TRIQK: variants seen among roughly 807,000 people sequenced by gnomAD.
TRIQK encodes the protein triple QxxK/R motif-containing protein.
Under a neutral mutation model 10.8 loss-of-function variants are expected in TRIQK, and 10 were observed. The observed-to-expected ratio is 0.92, with a 90% CI of 0.57 to 1.57. TRIQK has a LOEUF of 1.57. Among genes scored for constraint, TRIQK ranks in the 40% most tolerant of loss-of-function variants. The pLI, the probability that TRIQK is intolerant of heterozygous loss-of-function variation, is 0.00. For missense variants in TRIQK, 107 were observed against 97.7 expected (o/e 1.09, Z -0.40); for synonymous variants, 33 against 33.7 (o/e 0.98, Z 0.07).
At position 92,980,365 on chromosome 8, in the gene TRIQK, G is replaced by A. The variant is rs887338540; in HGVS notation, c.-180-25801C>T. 2.6e-5 allele frequency among the ~76,000 whole-genome samples: 4 copies of A among 151,502 alleles called. 1 individual carries two copies. The highest frequency in any genetic ancestry group is 9.7e-5 in the African/African-American group (4 of 41,350). ...CATTTATTTTATAATTGGCATATGG[G>A]GGTGTGTGTGTGTGTGTGTCTGCAC... is the stretch of plus-strand genomic sequence containing the variant. On this transcript the variant is annotated intron_variant, in intron 1 of 4. Transcript: ENST00000520686.
At chr8:92,979,524 G>A (rs538862121) in intron 1 of TRIQK, among the ~76,000 whole-genome samples, 140 of 152,004 alleles carry the variant, frequency 9.2e-4, no homozygotes, top group African/African-American at 3.2e-3. Flanking sequence ...AAATCTTAGT[G>A]GTATATGGAT....
chr8:92,944,343 A>G lies in TRIQK; in HGVS notation c.-22+10063T>C, dbSNP rs77190811. Among the ~76,000 whole-genome samples the G allele has an allele frequency of 2.0e-4, 31 of 152,022 alleles. No individual in the cohort carries two copies. In the East Asian group the frequency reaches 5.4e-3, roughly 27 times the overall value. On this transcript the variant is annotated intron_variant, in intron 2 of 4. Coordinates refer to ENST00000521988, the MANE Select transcript of TRIQK (RefSeq NM_001171797.2). ...AAATAGAACTACTATATGACCCAGC[A>G]ATCCTACTGTTGGATATATATTCAA...
chr8:92,968,652 G>GT (rs528642826), upstream of TRIQK, among the ~76,000 whole-genome samples: 348 of 152,146 alleles, frequency 2.3e-3, 5 homozygotes, highest in Non-Finnish European at 3.6e-3. Context: ...GCGGTTGTTT[G>GT]TTTTTTTCTT....
At chr8:92,924,868 T>G (rs1455352583) in intron 2 of TRIQK, among the ~76,000 whole-genome samples, 1 of 152,028 alleles carries the variant, frequency 6.6e-6, no homozygotes, top group African/African-American at 2.4e-5. Flanking sequence ...ACTGGAGAGC[T>G]AAACAGTTGT....
At chr8:92,893,454 T>G (rs1367966690) in intron 3 of TRIQK, among the ~76,000 whole-genome samples, 1 of 152,012 alleles carries the variant, frequency 6.6e-6, no homozygotes, top group Admixed American at 6.6e-5. Context: ...ATAAATATTA[T>G]TTGATGATGG....
At chr8:92,962,758 G>C (rs1156886588) in intron 1 of TRIQK, among the ~76,000 whole-genome samples, 1 of 152,094 alleles carries the variant, frequency 6.6e-6, no homozygotes, top group Admixed American at 6.5e-5. Flanking sequence ...ACTAAGCACT[G>C]GAGATTTTCC....
At chr8:92,997,761 G>T (rs868212090) in intron 1 of TRIQK, among the ~76,000 whole-genome samples, 1 of 151,964 alleles carries the variant, frequency 6.6e-6, no homozygotes, top group Non-Finnish European at 1.5e-5. Context: ...TTAATGAAAA[G>T]GAACAAATGA....
intron 1 of TRIQK, among the ~76,000 whole-genome samples, chr8:93,012,384 T>C (rs1268074062): frequency 6.6e-6 from 1 of 152,180 alleles, no homozygotes; most frequent in Non-Finnish European, 1.5e-5. Context: ...TGCCAAAATC[T>C]CATGAATATA....
intron 1 of TRIQK, among the ~76,000 whole-genome samples, chr8:92,955,374 C>G (rs536503082): frequency 9.2e-4 from 140 of 151,776 alleles, no homozygotes; most frequent in African/African-American, 3.2e-3. Context: ...AACAAAGGTG[C>G]TACAAAATAA....
At chr8:92,963,912 C>G (rs1812589646) in intron 1 of TRIQK, 2 of 149,978 alleles carry the variant, frequency 1.3e-5, no homozygotes, top group African/African-American at 4.9e-5. Context: ...AAAAAAAATA[C>G]AGTTTCACAT....
chr8:92,956,487 T>C (rs1252241732), intron 1 of TRIQK, among the ~76,000 whole-genome samples: 1 of 151,684 alleles, frequency 6.6e-6, no homozygotes, highest in African/African-American at 2.4e-5. Context: ...GGGAATATTG[T>C]AAAAATTCCT....
chr8:92,973,417 A>G (rs976752519), intron 1 of TRIQK: 1 of 152,224 alleles, frequency 6.6e-6, no homozygotes, highest in African/African-American at 2.4e-5. Context: ...AGTATAAAAC[A>G]CCACGATAAC....
intron 1 of TRIQK, among the ~76,000 whole-genome samples, chr8:93,011,658 G>A (rs1318857634): frequency 6.6e-6 from 1 of 152,144 alleles, no homozygotes; most frequent in African/African-American, 2.4e-5. Flanking sequence ...TAGGGAAAAA[G>A]ATGAGGAGAA....
intron 2 of TRIQK, chr8:92,953,602 T>C (rs1360400449): frequency 1.3e-5 from 2 of 151,870 alleles, no homozygotes; most frequent in South Asian, 2.1e-4. Flanking sequence ...GTAGAAAGAA[T>C]AGCAAGTGCA....
At chr8:92,954,937 GTTATT>G (rs1453070422) in intron 1 of TRIQK, among the ~76,000 whole-genome samples, 1 of 151,688 alleles carries the variant, frequency 6.6e-6, no homozygotes, top group Non-Finnish European at 1.5e-5. Flanking sequence ...ATTATTTTCT[GTTATT>G]TTAATTTGCA....
chr8:92,948,377 C>T (rs543277886), intron 2 of TRIQK, among the ~76,000 whole-genome samples: 4 of 152,094 alleles, frequency 2.6e-5, no homozygotes, highest in Non-Finnish European at 5.9e-5. Context: ...CATTTAATCT[C>T]TAAGTATTTA....
At position 92,992,345 on chromosome 8, in the gene TRIQK, G is replaced by A. The variant is rs567168660; in HGVS notation, c.-181+25264C>T. On this transcript the variant is annotated intron_variant, in intron 1 of 4. Transcript: ENST00000520686. ...AAACCCTCTGCCTCTGAGGACAGGG[G>A]AGGAAGATCTTCCTGCCTCTACCGG... 1.5e-3 allele frequency among the ~76,000 whole-genome samples: 224 copies of A among 152,260 alleles called. 1 individual carries two copies. Among genetic ancestry groups the A allele is most frequent in the African/African-American group, 5.1e-3 (213 of 41,554 alleles).
chr8:92,950,341 T>A (rs987499297), intron 2 of TRIQK, among the ~76,000 whole-genome samples: 5 of 151,946 alleles, frequency 3.3e-5, no homozygotes, highest in Non-Finnish European at 7.4e-5. Flanking sequence ...TCACAATATG[T>A]ATGTATTTAC....
intron 1 of TRIQK, among the ~76,000 whole-genome samples, chr8:92,984,444 C>T (rs1170608454): frequency 6.6e-6 from 1 of 152,014 alleles, no homozygotes; most frequent in Non-Finnish European, 1.5e-5. Context: ...TCAAGTTGGA[C>T]AGGGATCTGA....
Sources: allele counts gnomAD v4.1 joint callset (sites outside exome capture counted in the v4.1 genomes callset), GRCh38; gene constraint gnomAD v4.1.1; transcripts MANE v1.5; gene names NCBI Gene and HGNC (gene_info 2026-07-23, HGNC 2026-07-21).